The following ASB3 variants were observed in gnomAD, a reference collection of about 807,000 sequenced individuals.
The protein encoded by ASB3 is ankyrin repeat and SOCS box containing 3, also known as ankyrin repeat and SOCS box protein 3.
ASB3 carries 41 observed loss-of-function variants against 54.5 expected under a neutral mutation model. The observed-to-expected ratio is 0.75, with a 90% confidence interval of 0.59 to 0.98. ASB3 has a LOEUF of 0.98. Ranked by LOEUF, ASB3 falls within the 50% of genes least tolerant of loss-of-function variation. The pLI is 0.00. For synonymous variants in ASB3, 266 were observed against 221.2 expected (o/e 1.20, Z -1.80); for missense variants, 733 against 620.0 (o/e 1.18, Z -1.94).
At chr2:53,725,453 TA>T (rs139986212) in intron 5 of ASB3, among the ~76,000 whole-genome samples, 2,529 of 152,288 alleles carry the variant, frequency 0.017, 73 homozygotes, top group African/African-American at 0.058. Flanking sequence ...GTTGAAATTA[TA>T]AAAAATAAAA....
At position 53,700,170 on chromosome 2, in the gene ASB3, C is replaced by T. The variant is rs927113773; in HGVS notation, c.1238+101G>A. 9 of 1,513,054 alleles carry T rather than the reference C, an allele frequency of 5.9e-6. No homozygotes were observed. In the Middle Eastern group the frequency reaches 9.0e-4, roughly 151 times the overall value. 93.7% of individuals were successfully genotyped at this position (1,513,054 alleles called of 1,614,324 possible). A position where few individuals can be genotyped will look rare whatever the true frequency, so the allele number is the denominator to read the frequency against. Reference sequence around the variant, plus strand: ...CCCAATTCAGCCATCACAGTCAAAACACAGATACCCTTCTCCAAACACTGG... The same window carrying T: ...CCCAATTCAGCCATCACAGTCAAAATACAGATACCCTTCTCCAAACACTGG... On this transcript the variant is annotated intron_variant, in intron 8 of 9. Coordinates refer to ENST00000263634, the MANE Select transcript of ASB3 (RefSeq NM_016115.5).
chr2:53,709,369 C>G (rs990336191), intron 7 of ASB3, among the ~76,000 whole-genome samples: 4 of 152,208 alleles, frequency 2.6e-5, no homozygotes, highest in African/African-American at 9.7e-5. Context: ...GTTTGGGAGA[C>G]TCTGCCTAGG....
intron 7 of ASB3, among the ~76,000 whole-genome samples, chr2:53,709,443 T>A (rs1197310993): frequency 6.6e-6 from 1 of 152,128 alleles, no homozygotes; most frequent in East Asian, 1.9e-4. Flanking sequence ...TTTGCATTGG[T>A]CTTGCCTCTA....
At chr2:53,678,840 C>G (rs1474896137) in intron 9 of ASB3, among the ~76,000 whole-genome samples, 1 of 152,188 alleles carries the variant, frequency 6.6e-6, no homozygotes, top group Non-Finnish European at 1.5e-5. Context: ...TTCTCATTTT[C>G]CATGCCTTGC....
chr2:53,727,493 G>A (rs1572917639), intron 5 of ASB3, among the ~76,000 whole-genome samples: 2 of 151,980 alleles, frequency 1.3e-5, no homozygotes, highest in African/African-American at 4.8e-5. Flanking sequence ...TTAATTAGCT[G>A]GGCATGGTGA....
At chr2:53,753,689 T>A (rs911295394) in intron 2 of ASB3, among the ~76,000 whole-genome samples, 1 of 150,986 alleles carries the variant, frequency 6.6e-6, no homozygotes, top group Non-Finnish European at 1.5e-5. Context: ...CAGGATGGAG[T>A]GCAGTGGCGT....
intron 1 of ASB3, among the ~76,000 whole-genome samples, chr2:53,782,091 C>T (rs1180712824): frequency 1.3e-5 from 2 of 152,088 alleles, no homozygotes. Context: ...ATGGGAGGAT[C>T]GCTTGAGCCC....
chr2:53,785,833 CTT>C lies in ASB3; in HGVS notation c.-14+986_-14+987del, dbSNP rs548433064. Among the ~76,000 whole-genome samples, 78 of 152,332 alleles carry C rather than the reference CTT, an allele frequency of 5.1e-4. 1 individual carries two copies. In the South Asian group the frequency reaches 0.016, roughly 31 times the overall value. ...CTCCAGCCTGGGTGACAGAGCGAGA[CTT>C]TGTCTCAAAACAAACAACAACAACA... On this transcript the variant is annotated intron_variant, in intron 1 of 9. Transcript: ENST00000263634.
chr2:53,675,837 A>C (rs539946141), intron 9 of ASB3, among the ~76,000 whole-genome samples: 1 of 152,270 alleles, frequency 6.6e-6, no homozygotes, highest in African/African-American at 2.4e-5. Context: ...ATTTCCTAGT[A>C]CCTATTTTCA....
At chr2:53,767,872 AG>A (rs1673590570) in intron 1 of ASB3, 2 of 1,599,154 alleles carry the variant, frequency 1.3e-6, no homozygotes, top group South Asian at 2.2e-5. Context: ...ACTGGGGCAG[AG>A]GAGCCGCGAG....
chr2:53,756,223 AG>A (rs1284101491), intron 2 of ASB3, among the ~76,000 whole-genome samples: 14 of 152,168 alleles, frequency 9.2e-5, no homozygotes, highest in Non-Finnish European at 2.1e-4. Flanking sequence ...GAACTTCCAA[AG>A]GGAAATCCTG....
At chr2:53,757,361 C>T (rs374495436) in intron 2 of ASB3, among the ~76,000 whole-genome samples, 1 of 152,174 alleles carries the variant, frequency 6.6e-6, no homozygotes, top group Admixed American at 6.5e-5. Context: ...CTGGGGAGGC[C>T]GAGGGCCGAC....
At chr2:53,764,077 A>G (rs1277252522) in intron 2 of ASB3, among the ~76,000 whole-genome samples, 1 of 152,210 alleles carries the variant, frequency 6.6e-6, no homozygotes, top group Non-Finnish European at 1.5e-5. Flanking sequence ...ACTACCAAAA[A>G]CAATGTAAAG....
chr2:53,750,012 A>G (rs1244083492), intron 3 of ASB3, among the ~76,000 whole-genome samples: 1 of 152,130 alleles, frequency 6.6e-6, no homozygotes, highest in East Asian at 1.9e-4. Context: ...TCAGACCAAT[A>G]ACAAAGACTA....
Position 53,670,534 on chromosome 2 carries a change from AC to A in ASB3, c.1525del (p.Val509PhefsTer24). ...LYEDVLRMYE[V>X]PELAAIQDG ...ATCTTGAATAGCTGCCAGTTCTGGAACTTCATACATCCTCAGAACGTCTTCA... is the reference window on the plus strand; with the variant it reads ...ATCTTGAATAGCTGCCAGTTCTGGAATTCATACATCCTCAGAACGTCTTCA... On this transcript the variant is annotated frameshift_variant, in exon 10 of 10. Transcript: ENST00000263634. LOFTEE classifies it high-confidence loss of function. 1 of 1,613,904 alleles carries A rather than the reference AC, an allele frequency of 6.2e-7. No homozygotes were observed. Among genetic ancestry groups the A allele is most frequent in the African/African-American group, 1.3e-5 (1 of 75,018 alleles).
chr2:53,765,601 G>A lies in ASB3; in HGVS notation c.-13-16C>T, dbSNP rs1349216554. On this transcript the variant is annotated splice_polypyrimidine_tract_variant and intron_variant, in intron 1 of 9. Coordinates refer to ENST00000263634, the MANE Select transcript of ASB3 (RefSeq NM_016115.5). ...TTTGACCAGTCTACAAAACAAGGTA[G>A]AAGGATAATACTATAGTCAATAAAA... is the stretch of plus-strand genomic sequence containing the variant. 4 of 1,614,084 alleles carry A rather than the reference G, an allele frequency of 2.5e-6. No individual in the cohort carries two copies. The highest frequency in any genetic ancestry group is 2.2e-5 in the East Asian group (1 of 44,888).
At chr2:53,742,665 A>C (rs540008613) in intron 3 of ASB3, among the ~76,000 whole-genome samples, 15 of 152,240 alleles carry the variant, frequency 9.9e-5, no homozygotes, top group African/African-American at 3.6e-4. Flanking sequence ...AAACAATCAT[A>C]AAAAATCCAA....
chr2:53,707,969 A>G (rs1160357035), intron 7 of ASB3, among the ~76,000 whole-genome samples: 1 of 151,596 alleles, frequency 6.6e-6, no homozygotes, highest in Non-Finnish European at 1.5e-5. Flanking sequence ...CTCAAAAAAA[A>G]AAAAAAAAGA....
intron 3 of ASB3, among the ~76,000 whole-genome samples, chr2:53,741,978 A>C (rs1671956708): frequency 6.6e-6 from 1 of 152,184 alleles, no homozygotes; most frequent in Non-Finnish European, 1.5e-5. Flanking sequence ...TCTAAGAAAA[A>C]GCTAGCAAAG....
Sources: gnomAD v4.1 joint callset for allele counts (sites outside exome capture counted in the v4.1 genomes callset) on GRCh38, gnomAD v4.1.1 for gene constraint, MANE v1.5 for transcripts, NCBI Gene and HGNC (gene_info 2026-07-23, HGNC 2026-07-21) for gene names.